Variants in LSG1 observed in about 807,000 individuals in gnomAD.
LSG1 encodes the protein large 60S subunit nuclear export GTPase 1.
Under a neutral mutation model 82.6 loss-of-function variants are expected in LSG1, and 55 were observed. The observed-to-expected ratio is 0.67, with a 90% confidence interval of 0.54 to 0.83. The LOEUF (loss-of-function observed/expected upper bound fraction) is 0.83, where lower values mean the gene tolerates loss of function less well. LSG1 is among the 40% of genes least tolerant of loss of function. LSG1 has a pLI of 0.00. For missense variants in LSG1, 809 were observed against 807.9 expected, an observed-to-expected ratio of 1.00 and a Z score of -0.02; for synonymous variants, 272 against 282.5, an observed-to-expected ratio of 0.96 and a Z score of 0.37.
At chr3:194,647,488 A>G (rs1323706358) in intron 11 of LSG1, among the ~76,000 whole-genome samples, 1 of 152,236 alleles carries the variant, frequency 6.6e-6, no homozygotes, top group East Asian at 1.9e-4. Flanking sequence ...TAATCTGGCA[A>G]TATCTTTGAA....
rs1248667291 is a variant in LSG1 at position 194,652,957 on chromosome 3, T to TTCC, written c.942_944dup (p.Glu315dup). On this transcript the variant is annotated inframe_insertion, in exon 8 of 14. Coordinates refer to ENST00000265245, the MANE Select transcript of LSG1 (RefSeq NM_018385.3). ...CTTCTGAGCACGTCTGCCAGTCGTCTTCCTCCTCCTCTGGACAGTCCTCAT... is the reference window on the plus strand; with the variant it reads ...CTTCTGAGCACGTCTGCCAGTCGTCTTCCTCCTCCTCCTCTGGACAGTCCTCAT... 3 of 1,614,062 alleles carry TTCC rather than the reference T, an allele frequency of 1.9e-6. No individual in the cohort carries two copies. Among genetic ancestry groups the TTCC allele is most frequent in the Non-Finnish European group, 1.7e-6 (2 of 1,180,030 alleles).
chr3:194,648,888 T>C (rs1718612568), intron 10 of LSG1, 84 bp from the exon 11 acceptor site: 1 of 1,373,360 alleles, frequency 7.3e-7, no homozygotes, highest in Non-Finnish European at 1.0e-6. Flanking sequence ...ACATGGCACT[T>C]CATTCCGCGT....
chr3:194,656,264 C>G (rs1718787283), intron 7 of LSG1, among the ~76,000 whole-genome samples: 1 of 148,338 alleles, frequency 6.7e-6, no homozygotes, highest in South Asian at 2.2e-4. Context: ...TGACAAAGGG[C>G]TAATATCCAG....
At position 194,645,543 on chromosome 3, in the gene LSG1, C is replaced by CACACAG. The variant is rs1718517828; in HGVS notation, c.1623+620_1623+621insCTGTGT. The CACACAG allele has an allele frequency of 8.8e-5, 4 of 45,312 alleles. 1 individual carries two copies. The highest frequency in any genetic ancestry group is 3.4e-4 in the African/African-American group (4 of 11,864). 2.8% of individuals were successfully genotyped at this position (45,312 alleles called of 1,614,324 possible). On this transcript the variant is annotated intron_variant, in intron 12 of 13. Coordinates refer to ENST00000265245, the MANE Select transcript of LSG1 (RefSeq NM_018385.3). ...ACACACACACACAGACAGACACACA[C>CACACAG]ACACACACACACACACACACACACA...
At chr3:194,648,905 A>G (rs1404951994) in intron 10 of LSG1, 101 bp from the exon 11 acceptor site, 8 of 1,148,358 alleles carry the variant, frequency 7.0e-6, no homozygotes. Context: ...GCGTGTGACA[A>G]ACACTCTCTC....
In LSG1 at chr3:194,641,717, G is replaced by A. The variant is rs952385442; in HGVS notation, c.*351C>T. ...CAAACTCTGCCTCCCTGGTTCAAGT[G>A]ATTCTCCTGCCTCAGCCTCCCGAGT... On this transcript the variant is annotated 3_prime_UTR_variant, in exon 14 of 14. Transcript: ENST00000265245. The A allele has an allele frequency of 1.4e-4, 24 of 165,736 alleles. No homozygotes were observed. Among genetic ancestry groups the A allele is most frequent in the Non-Finnish European group, 1.2e-4 (9 of 76,860 alleles). 10.3% of individuals were successfully genotyped at this position (165,736 alleles called of 1,614,324 possible). A position where few individuals can be genotyped will look rare whatever the true frequency, so the allele number is the denominator to read the frequency against.
chr3:194,669,875 G>C (rs1719108263), intron 2 of LSG1, 134 bp downstream of exon 2: 2 of 1,000,468 alleles, frequency 2.0e-6, no homozygotes, highest in Admixed American at 4.7e-5. Context: ...GAGCTGCAGT[G>C]AGCTGATATC....
At chr3:194,671,971 C>T in intron 1 of LSG1, 93 bp downstream of exon 1, 1 of 1,154,888 alleles carries the variant, frequency 8.7e-7, no homozygotes, top group Non-Finnish European at 1.3e-6. Context: ...GCTGAGGCGT[C>T]CCTCCTGCAA....
chr3:194,662,669 G>A (rs1718957595), intron 5 of LSG1, among the ~76,000 whole-genome samples: 1 of 152,182 alleles, frequency 6.6e-6, no homozygotes, highest in Non-Finnish European at 1.5e-5. Flanking sequence ...GGCTGAGGCA[G>A]GAAAATCGCT....
chr3:194,652,613 G>A, intron 8 of LSG1, 116 bp downstream of exon 8: 1 of 1,121,976 alleles, frequency 8.9e-7, no homozygotes, highest in Non-Finnish European at 1.3e-6. Context: ...GCAACAAGAG[G>A]GCAATGTTCC....
At chr3:194,664,530 G>T (rs1250249102) in intron 5 of LSG1, among the ~76,000 whole-genome samples, 1 of 152,082 alleles carries the variant, frequency 6.6e-6, no homozygotes, top group Non-Finnish European at 1.5e-5. Context: ...TAACAATCAG[G>T]AATTCTCCTT....
At chr3:194,651,507 C>T in intron 8 of LSG1, 1 of 379,956 alleles carries the variant, frequency 2.6e-6, no homozygotes, top group East Asian at 5.7e-5. Context: ...CCAGCCTTCC[C>T]TCACTGCCCC....
intron 5 of LSG1, chr3:194,660,896 G>GA (rs762263078): frequency 2.7e-4 from 122 of 453,770 alleles, no homozygotes; most frequent in Admixed American, 2.4e-4. Context: ...ACTGCAAGGA[G>GA]AAAAAAAAAT....
chr3:194,671,797 G>A, intron 1 of LSG1: 2 of 500,536 alleles, frequency 4.0e-6, no homozygotes, highest in Non-Finnish European at 7.0e-6. Context: ...AAACCCAAAC[G>A]TACTCAAGAC....
intron 4 of LSG1, among the ~76,000 whole-genome samples, 167 bp from the exon 5 acceptor site, chr3:194,665,810 T>G (rs1719019118): frequency 2.6e-5 from 4 of 152,372 alleles, no homozygotes; most frequent in Admixed American, 2.6e-4. Flanking sequence ...TACTATTTAT[T>G]TAGACAATAC....
intron 10 of LSG1, among the ~76,000 whole-genome samples, chr3:194,650,004 C>T (rs886285969): frequency 1.2e-4 from 19 of 152,094 alleles, no homozygotes; most frequent in Admixed American, 7.2e-4. Flanking sequence ...ACTGCAACCT[C>T]CGCCTCCCAG....
rs141336046 is a variant in LSG1, at chr3:194,652,739, G to A, written c.1163C>T (p.Thr388Met). 93 of 1,612,878 alleles carry A rather than the reference G, an allele frequency of 5.8e-5. 1 individual carries two copies. The East Asian group carries it at 1.0e-3, about 18-fold the overall frequency. Residue 388 changes from threonine to methionine, a missense_variant, in exon 8 of 14, where the codon ACG becomes ATG. Physicochemically the swap from Thr to Met is moderately conservative, Grantham distance 81. Coordinates refer to ENST00000265245, the MANE Select transcript of LSG1 (RefSeq NM_018385.3). ...CATATGTCATCTTACCAGTCCGACC[G>A]TAAGTTGCCCATCTTTCACCTTTCT... is the stretch of plus-strand genomic sequence containing the variant. Reference protein sequence around the residue: ...TGRKVKDGQLTVGLVGYPNVG... With the variant: ...TGRKVKDGQLMVGLVGYPNVG...
intron 5 of LSG1, among the ~76,000 whole-genome samples, chr3:194,661,420 G>GT (rs1248542282): frequency 6.6e-6 from 1 of 152,198 alleles, no homozygotes; most frequent in African/African-American, 2.4e-5. Flanking sequence ...AGAAATAGCA[G>GT]TAAGAAAAGA....
rs865847685 is a variant in LSG1, at chr3:194,645,579, C to G, written c.1623+585G>C. Among the ~76,000 whole-genome samples the G allele has an allele frequency of 2.9e-3, 196 of 67,744 alleles. 13 individuals carry two copies. The highest frequency in any genetic ancestry group is 2.9e-3 in the Non-Finnish European group (91 of 30,968). The allele number at this position is 67,744 out of a possible 152,430, so 44.4% of individuals were successfully genotyped here. A position where few individuals can be genotyped will look rare whatever the true frequency, so the allele number is the denominator to read the frequency against. Reference sequence around the variant, plus strand: ...ACACACACACACACACAGACAGACACACACACACACACACACACACACACA... The same window carrying G: ...ACACACACACACACACAGACAGACAGACACACACACACACACACACACACA... On this transcript the variant is annotated intron_variant, in intron 12 of 13. Transcript: ENST00000265245.
Sources: gnomAD v4.1 joint callset for allele counts (sites outside exome capture counted in the v4.1 genomes callset) on GRCh38, gnomAD v4.1.1 for gene constraint, MANE v1.5 for transcripts, NCBI Gene and HGNC (gene_info 2026-07-23, HGNC 2026-07-21) for gene names.